The following SRD5A2 variants were observed in gnomAD, a reference collection of about 807,000 sequenced individuals.
The protein encoded by SRD5A2 is steroid 5 alpha-reductase 2, also known as 3-oxo-5-alpha-steroid 4-dehydrogenase 2.
Under a neutral mutation model 27.4 loss-of-function variants are expected in SRD5A2, and 30 were observed. That is an observed-to-expected ratio of 1.10 (90% CI 0.82 to 1.49). The LOEUF is 1.49. Ranked by LOEUF, SRD5A2 falls within the 40% of genes most tolerant of loss-of-function variation. SRD5A2 has a pLI of 0.00. For missense variants in SRD5A2, 348 were observed against 323.4 expected, an observed-to-expected ratio of 1.08 and a Z score of -0.58; for synonymous variants, 141 against 133.6, an observed-to-expected ratio of 1.06 and a Z score of -0.38.
At chr2:31,583,930 C>A (rs1454821524), upstream of SRD5A2, among the ~76,000 whole-genome samples, 2 of 152,020 alleles carry the variant, frequency 1.3e-5, no homozygotes, top group Admixed American at 1.3e-4. Flanking sequence ...GGGCAAGAGC[C>A]TTTACTGTAG....
chr2:31,645,216 C>A, the SRD5A2 span, among the ~76,000 whole-genome samples: 3 of 150,612 alleles, frequency 2.0e-5, no homozygotes, highest in Non-Finnish European at 2.9e-5. Flanking sequence ...TTAAAAAAAA[C>A]GTTAGAAAAA....
the SRD5A2 span, among the ~76,000 whole-genome samples, chr2:31,621,227 AG>A: frequency 6.6e-6 from 1 of 151,982 alleles, no homozygotes; most frequent in Non-Finnish European, 1.5e-5. Context: ...AAGGTTCCTT[AG>A]TTTGCCCTCT....
At chr2:31,572,696 T>A (rs895066070) in intron 1 of SRD5A2, among the ~76,000 whole-genome samples, 1 of 152,100 alleles carries the variant, frequency 6.6e-6, no homozygotes, top group Non-Finnish European at 1.5e-5. Flanking sequence ...CAGAGTTAAG[T>A]TTTAAAAGAT....
chr2:31,661,768 T>C, the SRD5A2 span, among the ~76,000 whole-genome samples: 2 of 152,106 alleles, frequency 1.3e-5, no homozygotes, highest in Admixed American at 1.3e-4. Flanking sequence ...TTTTTCCTCA[T>C]TCTCCCTCAC....
intron 1 of SRD5A2, among the ~76,000 whole-genome samples, chr2:31,534,419 C>G (rs1665983081): frequency 6.6e-6 from 1 of 152,160 alleles, no homozygotes; most frequent in Non-Finnish European, 1.5e-5. Flanking sequence ...TATGATGACT[C>G]TCCGAGAAGG....
At chr2:31,556,001 C>G (rs1558367244) in intron 1 of SRD5A2, among the ~76,000 whole-genome samples, 2 of 152,134 alleles carry the variant, frequency 1.3e-5, no homozygotes, top group Non-Finnish European at 2.9e-5. Context: ...CATTTTAGCA[C>G]AAAATAGAGT....
chr2:31,524,952 T>A lies in SRD5A2; in HGVS notation c.*1244A>T, dbSNP rs1665740797. The A allele has an allele frequency of 4.5e-6, 1 of 224,352 alleles. No individual in the cohort carries two copies. The highest frequency in any genetic ancestry group is 2.2e-5 in the African/African-American group (1 of 44,876). The allele number at this position is 224,352 out of a possible 1,614,324, so 13.9% of individuals were successfully genotyped here. A position where few individuals can be genotyped will look rare whatever the true frequency, so the allele number is the denominator to read the frequency against. On this transcript the variant is annotated 3_prime_UTR_variant, in exon 5 of 5. Transcript: ENST00000622030. ...AGTTCTGGTGTGGAAATGTGGGCTCTGTATGTTCAGATCCTCCAACTTTTT... is the reference window on the plus strand; with the variant it reads ...AGTTCTGGTGTGGAAATGTGGGCTCAGTATGTTCAGATCCTCCAACTTTTT...
chr2:31,581,804 C>T (rs1338267835), upstream of SRD5A2, among the ~76,000 whole-genome samples: 1 of 152,156 alleles, frequency 6.6e-6, no homozygotes, highest in East Asian at 1.9e-4. Context: ...GAGCCGTGGC[C>T]CATCAGGTGG....
chr2:31,601,416 C>T, the SRD5A2 span, among the ~76,000 whole-genome samples: 1 of 151,904 alleles, frequency 6.6e-6, no homozygotes, highest in Non-Finnish European at 1.5e-5. Flanking sequence ...GAAACTTAAG[C>T]AGTAGTAAAT....
chr2:31,552,162 T>C (rs1666393644), intron 1 of SRD5A2, among the ~76,000 whole-genome samples: 1 of 150,570 alleles, frequency 6.6e-6, no homozygotes, highest in South Asian at 2.1e-4. Flanking sequence ...CTAACAATAA[T>C]ATACACACCA....
At chr2:31,606,634 C>T in the SRD5A2 span, among the ~76,000 whole-genome samples, 3 of 151,844 alleles carry the variant, frequency 2.0e-5, no homozygotes, top group African/African-American at 4.8e-5. Context: ...TTATTATGTA[C>T]GGATGACAGA....
At chr2:31,604,119 A>C in the SRD5A2 span, among the ~76,000 whole-genome samples, 15 of 151,970 alleles carry the variant, frequency 9.9e-5, no homozygotes, top group East Asian at 2.7e-3. Context: ...CTGGGTATAG[A>C]AGGAACATAC....
At chr2:31,548,544 C>A (rs1391803078) in intron 1 of SRD5A2, among the ~76,000 whole-genome samples, 1 of 152,076 alleles carries the variant, frequency 6.6e-6, no homozygotes, top group African/African-American at 2.4e-5. Context: ...CATCTCCAAC[C>A]AAACCAATTA....
chr2:31,539,270 G>T (rs1407780634), intron 1 of SRD5A2, among the ~76,000 whole-genome samples: 1 of 152,198 alleles, frequency 6.6e-6, no homozygotes, highest in African/African-American at 2.4e-5. Context: ...TAGAGCCATT[G>T]AAGTTGGCAA....
At chr2:31,534,133 G>T (rs1309751611) in intron 1 of SRD5A2, among the ~76,000 whole-genome samples, 3 of 151,960 alleles carry the variant, frequency 2.0e-5, no homozygotes, top group Non-Finnish European at 4.4e-5. Context: ...ACTTGAAAAA[G>T]AACTAAATAA....
rs28383057 is a variant in SRD5A2, at chr2:31,530,419, C to G, written c.547+952G>C. Among the ~76,000 whole-genome samples, 1,474 of 152,224 alleles carry G rather than the reference C, an allele frequency of 9.7e-3. 21 individuals are homozygous for G. The highest frequency in any genetic ancestry group is 0.044 in the South Asian group (212 of 4,816). On this transcript the variant is annotated intron_variant, in intron 3 of 4. Coordinates refer to ENST00000622030, the MANE Select transcript of SRD5A2 (RefSeq NM_000348.4). ...GTGGTTCCCAACCTGTGATTCCCTA[C>G]GCCCTGGGAGGAACCACGGATCTAA...
chr2:31,642,448 C>A, the SRD5A2 span, among the ~76,000 whole-genome samples: 1 of 151,876 alleles, frequency 6.6e-6, no homozygotes, highest in African/African-American at 2.4e-5. Context: ...ACAAACACTT[C>A]ACAAAAGAAG....
chr2:31,628,911 G>A, the SRD5A2 span, among the ~76,000 whole-genome samples: 2 of 152,082 alleles, frequency 1.3e-5, no homozygotes, highest in African/African-American at 2.4e-5. Flanking sequence ...TCCGATGACT[G>A]TGTGTCTTGG....
At chr2:31,542,925 T>C (rs574483513) in intron 1 of SRD5A2, among the ~76,000 whole-genome samples, 6 of 152,146 alleles carry the variant, frequency 3.9e-5, no homozygotes, top group African/African-American at 1.4e-4. Context: ...AAAAAAGACA[T>C]GAACATAAAC....
Sources: allele counts gnomAD v4.1 joint callset (sites outside exome capture counted in the v4.1 genomes callset), GRCh38; gene constraint gnomAD v4.1.1; transcripts MANE v1.5; gene names NCBI Gene and HGNC (gene_info 2026-07-23, HGNC 2026-07-21).